EIF3B: variants seen among roughly 807,000 people sequenced by gnomAD.
The protein encoded by EIF3B is eukaryotic translation initiation factor 3 subunit B.
EIF3B carries 10 observed loss-of-function variants against 104.6 expected under a neutral mutation model. The ratio of observed to expected loss-of-function variants is 0.10; its 90% CI spans 0.06 to 0.16. The LOEUF (loss-of-function observed/expected upper bound fraction) is 0.16. Ranked by LOEUF, EIF3B falls within the 10% of genes least tolerant of loss-of-function variation. EIF3B has a pLI of 1.00. For missense variants in EIF3B, 1,014 were observed against 1,087.9 expected, an observed-to-expected ratio of 0.93 and a Z score of 0.96; for synonymous variants, 542 against 417.2, an observed-to-expected ratio of 1.30 and a Z score of -3.65.
chr7:2,355,113 C>G lies in EIF3B; in HGVS notation c.192C>G (p.Ser64=). 7.3e-7 allele frequency: 1 copy of G among 1,371,234 alleles called. No individual in the cohort carries two copies. The highest frequency in any genetic ancestry group is 9.4e-7 in the Non-Finnish European group (1 of 1,069,072). The allele number at this position is 1,371,234 out of a possible 1,614,324, so 84.9% of individuals were successfully genotyped here. The change falls in exon 1 of 19, where the codon TCC becomes TCG. Residue 64 remains serine (S), a synonymous_variant. Transcript: ENST00000360876. ...EVGIAEAGPE[S]EVRTEPAAEA... ...GGATCGCGGAGGCCGGGCCGGAGTC[C>G]GAGGTGAGGACCGAGCCGGCGGCCG...
intron 1 of EIF3B, among the ~76,000 whole-genome samples, chr7:2,356,903 A>G (rs376922686): frequency 7.9e-5 from 12 of 152,164 alleles, no homozygotes; most frequent in African/African-American, 2.9e-4. Context: ...GAAGGACACC[A>G]CAAACTAAAG....
intron 18 of EIF3B, chr7:2,379,712 G>T: frequency 1.8e-6 from 1 of 558,868 alleles, no homozygotes; most frequent in East Asian, 3.1e-5. Context: ...TGACCACATT[G>T]CAGATGGCGC....
rs78680793 is a variant in EIF3B at position 2,355,408 on chromosome 7, G to C, written c.487G>C (p.Val163Leu). 0.015 allele frequency: 21,801 copies of C among 1,471,950 alleles called. 440 individuals carry two copies. The highest frequency in any genetic ancestry group is 0.1 in the Admixed American group (4,606 of 45,126). 91.2% of individuals were successfully genotyped at this position (1,471,950 alleles called of 1,614,324 possible). Reference protein sequence around the residue: ...FSDPEDFVDDVSEEELLGDVL... With the variant: ...FSDPEDFVDDLSEEELLGDVL... ...CGACCCCGAGGACTTCGTGGACGAC[G>C]TGAGCGAGGAAGGTGAGGGCGCCCG... Residue 163 changes from valine to leucine, a missense_variant, in exon 1 of 19, where the codon GTG (valine) becomes CTG (leucine). Transcript: ENST00000360876.
intron 2 of EIF3B, 143 bp downstream of exon 2, chr7:2,361,045 A>C: frequency 1.7e-6 from 1 of 583,956 alleles, no homozygotes; most frequent in Non-Finnish European, 2.9e-6. Flanking sequence ...CTCAGCTGGA[A>C]GCTATCCAGA....
chr7:2,366,173 G>C, intron 6 of EIF3B, 144 bp from the exon 7 acceptor site: 1 of 780,964 alleles, frequency 1.3e-6, no homozygotes, highest in Non-Finnish European at 2.0e-6. Flanking sequence ...TCCCGCTTCC[G>C]CTTGGGTCTC....
In EIF3B at chr7:2,362,689, C is replaced by T. The variant is rs779965692; in HGVS notation, c.737C>T (p.Ala246Val). The change falls in exon 3 of 19, where the codon GCT (alanine) becomes GTT (valine). Residue 246 changes from alanine to valine, a missense_variant. By Grantham distance (64) the Ala-to-Val change is moderately conservative. Transcript: ENST00000360876. ...GCGTCCCCTGCCCACGCTGTGGATG[C>T]TGTGAAGAACGCCGACGGCTACAAG... Reference protein sequence around the residue: ...EYASPAHAVDAVKNADGYKLD... With the variant: ...EYASPAHAVDVVKNADGYKLD... 19 of 1,614,122 alleles carry T rather than the reference C, an allele frequency of 1.2e-5. No homozygotes were observed. Among genetic ancestry groups the T allele is most frequent in the East Asian group, 4.5e-5 (2 of 44,898 alleles).
intron 9 of EIF3B, among the ~76,000 whole-genome samples, 162 bp from the exon 10 acceptor site, chr7:2,369,310 G>C (rs1272641263): frequency 2.6e-5 from 4 of 152,252 alleles, no homozygotes; most frequent in Non-Finnish European, 5.9e-5. Flanking sequence ...CTATGAAGCT[G>C]CGCGGCATGC....
Position 2,378,063 on chromosome 7 carries a change from G to T in EIF3B, c.2155-626G>T, listed in dbSNP as rs367548978. On this transcript the variant is annotated intron_variant, in intron 15 of 18. Coordinates refer to ENST00000360876, the MANE Select transcript of EIF3B (RefSeq NM_001037283.2). ...CATGGAGGAAGGAGCAGGCACGAGC[G>T]CTCCTGGGATGCTGTGTTCTGTGAA... is the stretch of plus-strand genomic sequence containing the variant. The T allele has an allele frequency of 1.6e-3, 39 of 24,846 alleles. 1 individual carries two copies. Among genetic ancestry groups the T allele is most frequent in the South Asian group, 9.3e-3 (7 of 754 alleles). 1.5% of individuals were successfully genotyped at this position (24,846 alleles called of 1,614,324 possible). A position where few individuals can be genotyped will look rare whatever the true frequency, so the allele number is the denominator to read the frequency against.
rs371264143 is a variant in EIF3B at position 2,364,425 on chromosome 7, C to T, written c.1053C>T (p.Thr351=). Residue 351 remains threonine (T), a synonymous_variant, in exon 6 of 19, where the codon ACC becomes ACT. Coordinates refer to ENST00000360876, the MANE Select transcript of EIF3B (RefSeq NM_001037283.2). Reference sequence around the variant, plus strand: ...CTCCTAAGGGCACCTACCTGGCTACCTTTCATCAAAGAGGCATTGCTCTAT... The same window carrying T: ...CTCCTAAGGGCACCTACCTGGCTACTTTTCATCAAAGAGGCATTGCTCTAT... ...RWSPKGTYLA[T]FHQRGIALWG... is the part of the protein sequence containing the mutation. 3.1e-6 allele frequency: 5 copies of T among 1,612,966 alleles called. No individual in the cohort carries two copies. In the African/African-American group the frequency reaches 5.3e-5, roughly 17 times the overall value.
At chr7:2,372,375 G>A (rs1246161825) in intron 11 of EIF3B, among the ~76,000 whole-genome samples, 5 of 152,216 alleles carry the variant, frequency 3.3e-5, no homozygotes, top group African/African-American at 4.8e-5. Flanking sequence ...CACTGGGTGC[G>A]AGGGAAGCGG....
In EIF3B at chr7:2,367,032, A is replaced by G; in HGVS notation, c.1390A>G (p.Ile464Val). ...TCTTTTGGACAAGAAGAGTTTGAAG[A>G]TCTCTGGGATAAAGTGAGTATTCTT... ...MGLLDKKSLK[I>V]SGIKDFSWSP... Residue 464 changes from isoleucine to valine, a missense_variant, in exon 9 of 19, where the codon ATC (isoleucine) becomes GTC (valine). By Grantham distance (29) the Ile-to-Val change is conservative. This residue lies in a region of EIF3B where 201 missense variants were observed against 240.7 expected (regional missense o/e 0.83). Transcript: ENST00000360876. 6.2e-7 allele frequency: 1 copy of G among 1,612,318 alleles called. No individual in the cohort carries two copies. Among genetic ancestry groups the G allele is most frequent in the South Asian group, 1.1e-5 (1 of 90,972 alleles).
At chr7:2,369,160 C>T (rs572980385) in intron 9 of EIF3B, among the ~76,000 whole-genome samples, 1 of 152,246 alleles carries the variant, frequency 6.6e-6, no homozygotes, top group South Asian at 2.1e-4. Context: ...CAGCAGTGTG[C>T]GGTGTCTTAA....
intron 2 of EIF3B, among the ~76,000 whole-genome samples, chr7:2,361,309 T>G (rs900325929): frequency 1.3e-5 from 2 of 152,172 alleles, no homozygotes; most frequent in African/African-American, 4.8e-5. Context: ...GTTTCTAGAA[T>G]TATCAAATAC....
rs884565 is a variant in EIF3B, at chr7:2,374,730, A to G, written c.1889+124A>G. 0.75 allele frequency: 654,604 copies of G among 874,220 alleles called. 247,285 individuals are homozygous for G. Among genetic ancestry groups the G allele is most frequent in the East Asian group, 0.91 (35,230 of 38,506 alleles). 54.2% of individuals were successfully genotyped at this position (874,220 alleles called of 1,614,324 possible). On this transcript the variant is annotated intron_variant, in intron 13 of 18. Transcript: ENST00000360876. ...TATTGTGCGCTGAAAGGGTTGCCCC[A>G]GTGTCAGTGGATAGGACTTCATTGA... is the stretch of plus-strand genomic sequence containing the variant.
chr7:2,365,694 T>G (rs1353184150), intron 6 of EIF3B, among the ~76,000 whole-genome samples: 1 of 120,058 alleles, frequency 8.3e-6, no homozygotes, highest in Non-Finnish European at 1.8e-5. Flanking sequence ...TTTTTTTTTT[T>G]GAAACTGAGT....
chr7:2,367,825 A>ATTTTTTTTTTTTTTTTTTT (rs71026506), intron 9 of EIF3B, among the ~76,000 whole-genome samples: 1 of 60,296 alleles, frequency 1.7e-5, no homozygotes, highest in African/African-American at 8.6e-5. Flanking sequence ...TTTTTTTAAA[A>ATTTTTTTTTTTTTTTTTTT]TTTTTTTTTT....
intron 2 of EIF3B, among the ~76,000 whole-genome samples, chr7:2,361,213 C>T (rs1223593346): frequency 3.9e-5 from 6 of 152,078 alleles, no homozygotes; most frequent in African/African-American, 1.4e-4. Context: ...GCTATGATAA[C>T]GTAGCTGTAC....
intron 12 of EIF3B, 142 bp downstream of exon 12, chr7:2,372,937 C>A (rs900902636): frequency 3.5e-6 from 3 of 862,380 alleles, no homozygotes; most frequent in Non-Finnish European, 4.9e-6. Context: ...GTGGCCTCGG[C>A]TGATGGAAGT....
At chr7:2,366,688 G>C in intron 8 of EIF3B, 97 bp downstream of exon 8, 1 of 1,404,094 alleles carries the variant, frequency 7.1e-7, no homozygotes, top group Non-Finnish European at 1.0e-6. Flanking sequence ...GGAGGAGGAG[G>C]TTTCACAGAT....
Sources: allele counts gnomAD v4.1 joint callset (sites outside exome capture counted in the v4.1 genomes callset), GRCh38; gene constraint gnomAD v4.1.1; regional missense constraint gnomAD v4.1.1; transcripts MANE v1.5; gene names NCBI Gene and HGNC (gene_info 2026-07-23, HGNC 2026-07-21).